Variants in FNIP2 observed in about 807,000 individuals in gnomAD.
FNIP2 encodes folliculin interacting protein 2.
FNIP2 carries 32 observed loss-of-function variants against 108.7 expected under a neutral mutation model. The observed-to-expected ratio is 0.29, with a 90% CI of 0.22 to 0.40. The LOEUF (loss-of-function observed/expected upper bound fraction) is 0.40. Among genes scored for constraint, FNIP2 ranks in the 10% least tolerant of loss-of-function variants. The pLI, the probability that FNIP2 is intolerant of heterozygous loss-of-function variation, is 1.00. For missense variants in FNIP2, 1,202 were observed against 1,381.6 expected (o/e 0.87, Z 2.06); for synonymous variants, 480 against 496.7 (o/e 0.97, Z 0.45).
At chr4:158,830,204 G>A (rs976969460) in intron 3 of FNIP2, among the ~76,000 whole-genome samples, 6 of 151,062 alleles carry the variant, frequency 4.0e-5, no homozygotes, top group Non-Finnish European at 3.0e-5. Flanking sequence ...GAGCTATAAC[G>A]AGAGAGAGGA....
At position 158,869,437 on chromosome 4, in the gene FNIP2, A is replaced by C; in HGVS notation, c.2792+9A>C. The C allele has an allele frequency of 6.3e-7, 1 of 1,582,446 alleles. No homozygotes were observed. ...GAGCTGCCTCTGCCAAGGTAACTCCAGCAGGCTGGGAAGTAGAGGGAACTG... is the reference window on the plus strand; with the variant it reads ...GAGCTGCCTCTGCCAAGGTAACTCCCGCAGGCTGGGAAGTAGAGGGAACTG... On this transcript the variant is annotated intron_variant, in intron 13 of 16. Coordinates refer to ENST00000264433, the MANE Select transcript of FNIP2 (RefSeq NM_020840.3).
intron 7 of FNIP2, among the ~76,000 whole-genome samples, chr4:158,838,915 G>A (rs1778961523): frequency 1.3e-5 from 2 of 152,114 alleles, no homozygotes; most frequent in Admixed American, 6.5e-5. Context: ...TTTGTAGATT[G>A]CCCCATTATT....
chr4:158,833,429 A>G, intron 5 of FNIP2, 99 bp from the exon 6 acceptor site: 1 of 683,810 alleles, frequency 1.5e-6, no homozygotes, highest in Non-Finnish European at 2.6e-6. Flanking sequence ...GTGACTGATC[A>G]GTCGTTGTCT....
intron 1 of FNIP2, among the ~76,000 whole-genome samples, chr4:158,769,552 A>G (rs1045449017): frequency 5.3e-5 from 8 of 151,952 alleles, no homozygotes; most frequent in African/African-American, 1.9e-4. Flanking sequence ...TCCCCATTTC[A>G]GAGTTCTCTT....
chr4:158,901,483 G>A (rs569715456), intron 16 of FNIP2, among the ~76,000 whole-genome samples: 5 of 152,042 alleles, frequency 3.3e-5, no homozygotes, highest in South Asian at 4.2e-4. Flanking sequence ...TGCTCTTCTC[G>A]AGGAGTATCT....
At chr4:158,889,996 G>A (rs936879193) in intron 14 of FNIP2, 1 of 985,340 alleles carries the variant, frequency 1.0e-6, no homozygotes. Context: ...GGGTGAAAGG[G>A]TCATGAAAAC....
chr4:158,780,868 A>C (rs1412629398), intron 1 of FNIP2, among the ~76,000 whole-genome samples: 1 of 152,128 alleles, frequency 6.6e-6, no homozygotes, highest in Non-Finnish European at 1.5e-5. Context: ...CCCTGTCTCT[A>C]CTAAAAACAC....
intron 16 of FNIP2, among the ~76,000 whole-genome samples, chr4:158,903,649 T>G (rs1729558208): frequency 6.6e-6 from 1 of 152,200 alleles, no homozygotes; most frequent in South Asian, 2.1e-4. Flanking sequence ...CTAAAAGTAC[T>G]AGAGAACTTC....
chr4:158,814,213 A>G (rs1282939048), intron 1 of FNIP2, among the ~76,000 whole-genome samples: 2 of 152,108 alleles, frequency 1.3e-5, no homozygotes, highest in African/African-American at 4.8e-5. Context: ...TGTTATCCTA[A>G]CTTGTTTGCT....
At position 158,778,079 on chromosome 4, in the gene FNIP2, A is replaced by C. The variant is rs1775917303; in HGVS notation, c.107+8760A>C. 3.3e-5 allele frequency among the ~76,000 whole-genome samples: 5 copies of C among 152,216 alleles called. No individual in the cohort carries two copies. In the South Asian group the frequency reaches 1.0e-3, roughly 31 times the overall value. On this transcript the variant is annotated intron_variant, in intron 1 of 16. Coordinates refer to ENST00000264433, the MANE Select transcript of FNIP2 (RefSeq NM_020840.3). ...TCCTTTGAATAAATTCATGTATAACACTTAACCCAGTAGTTCTCAAGTCTG... is the reference window on the plus strand; with the variant it reads ...TCCTTTGAATAAATTCATGTATAACCCTTAACCCAGTAGTTCTCAAGTCTG...
intron 16 of FNIP2, among the ~76,000 whole-genome samples, chr4:158,896,077 G>A (rs1285588183): frequency 1.3e-5 from 2 of 152,104 alleles, no homozygotes; most frequent in Non-Finnish European, 2.9e-5. Context: ...TCAATCGCAG[G>A]ACTTTAGGCT....
At chr4:158,841,433 C>T (rs1281454285) in intron 7 of FNIP2, among the ~76,000 whole-genome samples, 3 of 152,168 alleles carry the variant, frequency 2.0e-5, no homozygotes, top group Non-Finnish European at 4.4e-5. Flanking sequence ...TTCTTTATTA[C>T]AGTGTGGGAC....
intron 15 of FNIP2, 36 bp downstream of exon 15, chr4:158,891,682 G>C: frequency 6.5e-7 from 1 of 1,535,914 alleles, no homozygotes; most frequent in Non-Finnish European, 8.9e-7. Context: ...AAGAAATCTA[G>C]TTTTAAAATG....
rs1729740739 is a variant in FNIP2 at position 158,905,385 on chromosome 4, C to T, written c.*841C>T. 6.6e-6 allele frequency: 1 copy of T among 152,168 alleles called. No individual in the cohort carries two copies. Among genetic ancestry groups the T allele is most frequent in the Admixed American group, 6.5e-5 (1 of 15,276 alleles). The allele number at this position is 152,168 out of a possible 1,614,324, so 9.4% of individuals were successfully genotyped here. A position where few individuals can be genotyped will look rare whatever the true frequency, so the allele number is the denominator to read the frequency against. ...GAGAGGCCACTTACCAAAGTTATTT[C>T]TATAAGCTCAAGAGTGTTTCGGTTG... On this transcript the variant is annotated 3_prime_UTR_variant, in exon 17 of 17. Coordinates refer to ENST00000264433, the MANE Select transcript of FNIP2 (RefSeq NM_020840.3).
At chr4:158,829,960 A>T (rs1778376309) in intron 3 of FNIP2, among the ~76,000 whole-genome samples, 2 of 152,140 alleles carry the variant, frequency 1.3e-5, no homozygotes, top group Non-Finnish European at 2.9e-5. Flanking sequence ...CATAGTTAGG[A>T]TTTGTGCCAT....
At chr4:158,842,360 C>T (rs1214336411) in intron 7 of FNIP2, among the ~76,000 whole-genome samples, 1 of 152,128 alleles carries the variant, frequency 6.6e-6, no homozygotes, top group African/African-American at 2.4e-5. Flanking sequence ...ATAAATGGAG[C>T]GATACATCAA....
chr4:158,825,323 T>A (rs1011451786), intron 1 of FNIP2, among the ~76,000 whole-genome samples: 2 of 152,274 alleles, frequency 1.3e-5, no homozygotes, highest in African/African-American at 4.8e-5. Context: ...CCTTTCTTGC[T>A]GACTGTAATT....
In FNIP2 at chr4:158,861,389, T is replaced by A. The variant is rs1780285533; in HGVS notation, c.1196T>A (p.Val399Glu). 1 of 1,614,032 alleles carries A rather than the reference T, an allele frequency of 6.2e-7. No homozygotes were observed. The highest frequency in any genetic ancestry group is 8.5e-7 in the Non-Finnish European group (1 of 1,179,890). The change falls in exon 11 of 17, where the codon GTA (valine) becomes GAA (glutamate). Residue 399 changes from valine (V) to glutamate (E), a missense_variant. Transcript: ENST00000264433. ...TCTGTTCCAAGGATAGCTGAACCTG[T>A]ATGGCTTACTATGATGTCCGGCACT... ...LYSVPRIAEP[V>E]WLTMMSGTLE... is the part of the protein sequence containing the mutation.
At chr4:158,806,040 C>CTT (rs11378632) in intron 1 of FNIP2, 4,373 of 654,758 alleles carry the variant, frequency 6.7e-3, no homozygotes, top group East Asian at 0.014. Context: ...AATGTTCCAC[C>CTT]TTTTTTTTTT....
Sources: gnomAD v4.1 joint callset for allele counts (sites outside exome capture counted in the v4.1 genomes callset) on GRCh38, gnomAD v4.1.1 for gene constraint, MANE v1.5 for transcripts, NCBI Gene and HGNC (gene_info 2026-07-23, HGNC 2026-07-21) for gene names.